Variants in AUTS2 observed in about 807,000 individuals in gnomAD.
The protein encoded by AUTS2 is autism susceptibility gene 2 protein.
AUTS2 carries 17 observed loss-of-function variants against 112.4 expected under a neutral mutation model. The ratio of observed to expected loss-of-function variants is 0.15; its 90% confidence interval spans 0.10 to 0.23. The LOEUF (loss-of-function observed/expected upper bound fraction) is 0.23, where lower values mean the gene tolerates loss of function less well. Ranked by LOEUF, AUTS2 falls within the 10% of genes least tolerant of loss-of-function variation. The pLI is 1.00. For synonymous variants in AUTS2, 751 were observed against 702.7 expected, an observed-to-expected ratio of 1.07 and a Z score of -1.09; for missense variants, 1,510 against 1,701.6, an observed-to-expected ratio of 0.89 and a Z score of 1.98.
At position 70,790,290 on chromosome 7, in the gene AUTS2, C is replaced by T. The variant is rs758531526; in HGVS notation, c.3074C>T (p.Thr1025Met). The change falls in exon 19 of 19, where the codon ACG becomes ATG. Residue 1025 changes from threonine to methionine, a missense_variant. Thr to Met is a moderately conservative substitution (Grantham distance 81, BLOSUM62 -1). Coordinates refer to ENST00000342771, the MANE Select transcript of AUTS2 (RefSeq NM_015570.4). The surrounding 1 kb of genome is among the most constrained non-coding windows in gnomAD (Gnocchi z 7.6). ...HPGPLASMPM[T>M]VGVTGIHPMN... ...GGGCCCCTGGCCTCGATGCCCATGA[C>T]GGTGGGGGTGACGGGCATTCACCCC... The T allele has an allele frequency of 9.9e-6, 16 of 1,613,370 alleles. No homozygotes were observed. The highest frequency in any genetic ancestry group is 5.0e-5 in the Admixed American group (3 of 60,004).
At chr7:70,097,073 C>A (rs904449657) in intron 2 of AUTS2, among the ~76,000 whole-genome samples, 1 of 152,174 alleles carries the variant, frequency 6.6e-6, no homozygotes, top group Non-Finnish European at 1.5e-5. Context: ...CCAAGAGGTT[C>A]ATGCATTTCA....
At chr7:70,714,027 C>A (rs1810215257) in intron 6 of AUTS2, among the ~76,000 whole-genome samples, 1 of 152,112 alleles carries the variant, frequency 6.6e-6, no homozygotes, top group Non-Finnish European at 1.5e-5. Context: ...CCCCTAAGAG[C>A]ACTGTGTGAT....
chr7:70,270,209 G>A (rs1787624112), intron 4 of AUTS2, among the ~76,000 whole-genome samples: 1 of 152,116 alleles, frequency 6.6e-6, no homozygotes, highest in South Asian at 2.1e-4. Flanking sequence ...ATTATCTATT[G>A]TGTTATGTTT....
intron 5 of AUTS2, among the ~76,000 whole-genome samples, chr7:70,503,411 T>C (rs1392950948): frequency 1.3e-5 from 2 of 151,890 alleles, no homozygotes; most frequent in African/African-American, 4.8e-5. Flanking sequence ...TGTTTGAAAA[T>C]TGGCCCAAGC....
rs1053283503 is a variant in AUTS2, at chr7:69,636,253, C to T, written c.309+36291C>T. Among the ~76,000 whole-genome samples, 12 of 152,318 alleles carry T rather than the reference C, an allele frequency of 7.9e-5. No individual in the cohort carries two copies. In the South Asian group the frequency reaches 8.3e-4, roughly 11 times the overall value. On this transcript the variant is annotated intron_variant, in intron 1 of 18. Transcript: ENST00000342771. ...CATACATTATCTTTTCTTCTTAAGA[C>T]GGAGTCTCAATCTGTCGCCCAGGCT...
At chr7:70,037,664 A>G (rs2129557362) in intron 2 of AUTS2, among the ~76,000 whole-genome samples, 1 of 152,234 alleles carries the variant, frequency 6.6e-6, no homozygotes, top group East Asian at 1.9e-4. Flanking sequence ...GCCCAAATTG[A>G]GAACATCTGG....
chr7:70,218,789 A>G (rs1398026475), intron 4 of AUTS2, among the ~76,000 whole-genome samples: 1 of 152,150 alleles, frequency 6.6e-6, no homozygotes, highest in Admixed American at 6.5e-5. Context: ...TCTTTTGCTT[A>G]CCCTCTGATA....
At chr7:70,346,796 TG>T (rs1311417320) in intron 4 of AUTS2, among the ~76,000 whole-genome samples, 1 of 152,138 alleles carries the variant, frequency 6.6e-6, no homozygotes, top group Non-Finnish European at 1.5e-5. Context: ...CCAGGCTCCA[TG>T]GTCCCCAAAT....
chr7:70,174,054 A>G (rs12698865), intron 4 of AUTS2, among the ~76,000 whole-genome samples: 33,178 of 152,220 alleles, frequency 0.22, 3,601 homozygotes, highest in Middle Eastern at 0.33. Context: ...GTTGAAAGCC[A>G]AGATGGGCTG....
intron 2 of AUTS2, among the ~76,000 whole-genome samples, chr7:69,915,422 G>A (rs927393555): frequency 6.6e-6 from 1 of 152,130 alleles, no homozygotes; most frequent in Non-Finnish European, 1.5e-5. Context: ...AATTTACTGG[G>A]AATTACCTGG....
chr7:70,065,157 C>A (rs1273983853), intron 2 of AUTS2, among the ~76,000 whole-genome samples: 1 of 152,088 alleles, frequency 6.6e-6, no homozygotes, highest in Non-Finnish European at 1.5e-5. Flanking sequence ...TTCAATCCCA[C>A]CACCTTCACT....
At chr7:69,686,264 C>T (rs1280668188) in intron 1 of AUTS2, among the ~76,000 whole-genome samples, 1 of 152,064 alleles carries the variant, frequency 6.6e-6, no homozygotes, top group East Asian at 1.9e-4. Context: ...GTAAAAGGAC[C>T]ACAGATACTC....
intron 5 of AUTS2, chr7:70,436,683 C>G (rs1390581011): frequency 6.6e-6 from 1 of 152,252 alleles, no homozygotes; most frequent in Non-Finnish European, 1.5e-5. Context: ...TTGACTTTCA[C>G]CTCCTACATG....
chr7:69,801,481 A>G (rs548995631), intron 1 of AUTS2, among the ~76,000 whole-genome samples: 2 of 149,598 alleles, frequency 1.3e-5, no homozygotes, highest in South Asian at 4.2e-4. Context: ...TAAAATATTT[A>G]TACCTATATA....
intron 5 of AUTS2, among the ~76,000 whole-genome samples, chr7:70,547,447 G>A (rs559912024): frequency 6.6e-6 from 1 of 152,214 alleles, no homozygotes; most frequent in African/African-American, 2.4e-5. Flanking sequence ...TAGAGACAGG[G>A]TTTCACCATG....
intron 4 of AUTS2, among the ~76,000 whole-genome samples, chr7:70,362,383 G>T (rs1009000498): frequency 3.9e-5 from 6 of 151,918 alleles, no homozygotes; most frequent in African/African-American, 1.5e-4. Context: ...AGGGAAGGCT[G>T]AACAGAGATT....
chr7:70,255,711 A>G (rs567316004), intron 4 of AUTS2, among the ~76,000 whole-genome samples: 56 of 151,300 alleles, frequency 3.7e-4, no homozygotes, highest in Non-Finnish European at 5.9e-5. Context: ...GGTGGGTTTT[A>G]TTCATCATTT....
At chr7:70,250,912 A>G (rs1287340936) in intron 4 of AUTS2, among the ~76,000 whole-genome samples, 2 of 152,166 alleles carry the variant, frequency 1.3e-5, no homozygotes, top group African/African-American at 2.4e-5. Context: ...ATCAGGTACT[A>G]TGCTTATTAC....
intron 14 of AUTS2, among the ~76,000 whole-genome samples, chr7:70,778,125 C>T (rs920304468): frequency 2.0e-5 from 3 of 152,132 alleles, no homozygotes; most frequent in African/African-American, 7.2e-5. Flanking sequence ...CCATGTTCTG[C>T]TAGAGCCTTT....
Sources: gnomAD v4.1 joint callset for allele counts (sites outside exome capture counted in the v4.1 genomes callset) on GRCh38, gnomAD v4.1.1 for gene constraint, Gnocchi (gnomAD v3.1) non-coding constraint, MANE v1.5 for transcripts, NCBI Gene and HGNC (gene_info 2026-07-23, HGNC 2026-07-21) for gene names.